PRKG1: variants seen among roughly 807,000 people sequenced by gnomAD.
PRKG1 encodes protein kinase cGMP-dependent 1, also known as cGMP-dependent protein kinase 1.
PRKG1 carries 35 observed loss-of-function variants against 88.1 expected under a neutral mutation model. The observed-to-expected ratio is 0.40, with a 90% CI of 0.30 to 0.53. The LOEUF (loss-of-function observed/expected upper bound fraction) is 0.53, where lower values mean the gene tolerates loss of function less well. Ranked by LOEUF, PRKG1 falls within the 20% of genes least tolerant of loss-of-function variation. The pLI is 0.59. For synonymous variants in PRKG1, 303 were observed against 292.5 expected, an observed-to-expected ratio of 1.04 and a Z score of -0.37; for missense variants, 540 against 839.8, an observed-to-expected ratio of 0.64 and a Z score of 4.41.
chr10:51,495,612 A>C (rs569649457), intron 3 of PRKG1, among the ~76,000 whole-genome samples: 1 of 152,312 alleles, frequency 6.6e-6, no homozygotes, highest in South Asian at 2.1e-4. Flanking sequence ...TTATATTTCT[A>C]TTACCTCAGT....
rs2132871251 is a variant in PRKG1 at position 51,491,352 on chromosome 10, A to G, written c.592+23516A>G. ...AATTTTCTCTCCTTTGCTATTAAGC[A>G]TGGCAGATACCTCAGATGGAAAATT... On this transcript the variant is annotated intron_variant, in intron 3 of 17. Coordinates refer to ENST00000373980, the MANE Select transcript of PRKG1 (RefSeq NM_006258.4). Among the ~76,000 whole-genome samples, 2 of 152,266 alleles carry G rather than the reference A, an allele frequency of 1.3e-5. 1 individual carries two copies. The highest frequency in any genetic ancestry group is 6.8e-3 in the Middle Eastern group (2 of 294).
intron 2 of PRKG1, among the ~76,000 whole-genome samples, chr10:51,195,536 T>A (rs903313015): frequency 1.3e-5 from 2 of 152,190 alleles, no homozygotes; most frequent in Non-Finnish European, 2.9e-5. Context: ...ATGAGAAATT[T>A]ATTTTATTTT....
At chr10:51,602,750 G>A (rs746447380) in intron 3 of PRKG1, among the ~76,000 whole-genome samples, 9,022 of 129,722 alleles carry the variant, frequency 0.07, 482 homozygotes, top group Middle Eastern at 0.096. Flanking sequence ...GTGTGTGTGT[G>A]TGTGTGTGTG....
At position 51,690,795 on chromosome 10, in the gene PRKG1, G is replaced by A. The variant is rs770037627; in HGVS notation, c.593-113790G>A. ...ACAAAAATTAGCTGGGTGTGGTGGC[G>A]AGCACCTGTACTCCCAGCTACTCAG... On this transcript the variant is annotated intron_variant, in intron 3 of 17. Transcript: ENST00000373980. Among the ~76,000 whole-genome samples, 42 of 151,354 alleles carry A rather than the reference G, an allele frequency of 2.8e-4. 1 individual carries two copies. In the Middle Eastern group the frequency reaches 0.014, roughly 49 times the overall value.
At chr10:51,948,933 A>G (rs1411150397) in intron 5 of PRKG1, among the ~76,000 whole-genome samples, 3 of 152,214 alleles carry the variant, frequency 2.0e-5, no homozygotes, top group Non-Finnish European at 4.4e-5. Flanking sequence ...AATATGAACT[A>G]TTTGTGTGCA....
intron 2 of PRKG1, among the ~76,000 whole-genome samples, chr10:51,157,736 G>A (rs1449516205): frequency 6.6e-6 from 1 of 151,634 alleles, no homozygotes; most frequent in Admixed American, 6.6e-5. Flanking sequence ...TTTTAAAATG[G>A]CAAGTGTCTG....
chr10:51,666,861 C>T (rs981287100), intron 3 of PRKG1, among the ~76,000 whole-genome samples: 3 of 152,026 alleles, frequency 2.0e-5, no homozygotes. Flanking sequence ...GTGGTTCAAT[C>T]TCAGCTCACT....
intron 3 of PRKG1, among the ~76,000 whole-genome samples, chr10:51,501,790 C>CTTTTTTTTT (rs5784871): frequency 3.4e-4 from 39 of 113,742 alleles, no homozygotes; most frequent in Non-Finnish European, 3.8e-4. Flanking sequence ...ACTTTAGTTT[C>CTTTTTTTTT]TTTTTTTTTT....
intron 2 of PRKG1, among the ~76,000 whole-genome samples, chr10:51,424,852 A>G (rs293327): frequency 0.84 from 128,189 of 152,166 alleles, 54,547 homozygotes; most frequent in African/African-American, 0.92. Context: ...ATACCCCAGA[A>G]AGATTATTTT....
At chr10:51,549,153 T>A (rs1842520463) in intron 3 of PRKG1, among the ~76,000 whole-genome samples, 1 of 132,364 alleles carries the variant, frequency 7.6e-6, no homozygotes, top group African/African-American at 3.0e-5. Flanking sequence ...AGACAGAGTC[T>A]TGCTCTGTCA....
At chr10:51,902,803 T>C (rs1044080517) in intron 4 of PRKG1, among the ~76,000 whole-genome samples, 2 of 152,204 alleles carry the variant, frequency 1.3e-5, no homozygotes, top group Non-Finnish European at 2.9e-5. Context: ...AATATCATTC[T>C]ATGTCAGGTG....
chr10:51,698,334 G>A, intron 3 of PRKG1: 1 of 1,614,078 alleles, frequency 6.2e-7, no homozygotes, highest in Non-Finnish European at 8.5e-7. Context: ...CCATCCATAG[G>A]TAGACCCCTT....
intron 3 of PRKG1, among the ~76,000 whole-genome samples, chr10:51,719,438 C>G (rs1412520865): frequency 6.6e-6 from 1 of 152,102 alleles, no homozygotes; most frequent in Non-Finnish European, 1.5e-5. Context: ...CATGAGAAAA[C>G]AAAAGACAAA....
intron 3 of PRKG1, among the ~76,000 whole-genome samples, chr10:51,605,674 G>A (rs1465588578): frequency 6.6e-6 from 1 of 152,168 alleles, no homozygotes; most frequent in Non-Finnish European, 1.5e-5. Context: ...TGACAATAGA[G>A]CCGGCCTTTG....
upstream of PRKG1, among the ~76,000 whole-genome samples, chr10:51,071,471 A>G (rs1425720745): frequency 1.3e-5 from 2 of 152,230 alleles, no homozygotes; most frequent in Non-Finnish European, 2.9e-5. Flanking sequence ...TTTAAAGTCA[A>G]TTGTAAAAGT....
intron 9 of PRKG1, among the ~76,000 whole-genome samples, chr10:52,209,635 C>G (rs1839911499): frequency 6.6e-6 from 1 of 152,290 alleles, no homozygotes; most frequent in Admixed American, 6.5e-5. Context: ...GTCATAATCT[C>G]ATGAGGCTCA....
At chr10:51,615,557 T>A (rs1428401054) in intron 3 of PRKG1, among the ~76,000 whole-genome samples, 5 of 151,916 alleles carry the variant, frequency 3.3e-5, no homozygotes. Context: ...AAGATGCGTC[T>A]TTACATCTTG....
chr10:51,008,697 A>G (rs1279271955), intron 1 of PRKG1, among the ~76,000 whole-genome samples: 1 of 152,210 alleles, frequency 6.6e-6, no homozygotes, highest in Non-Finnish European at 1.5e-5. Context: ...TGCTGTGTTC[A>G]AATAAGGTCA....
At position 52,271,487 on chromosome 10, in the gene PRKG1, G is replaced by A. The variant is rs2132432861; in HGVS notation, c.1311G>A (p.Val437=). 6.2e-7 allele frequency: 1 copy of A among 1,612,192 alleles called. No homozygotes were observed. Residue 437 remains valine (V), a splice_region_variant and synonymous_variant, in exon 11 of 18, where the codon GTG becomes GTA. Coordinates refer to ENST00000373980, the MANE Select transcript of PRKG1 (RefSeq NM_006258.4). ...AGGGGGCTCATTCCGATTTCATAGT[G>A]AGGTAAAGGCTCCATGCCAGGGACA... The part of the protein sequence containing the change: ...IMQGAHSDFI[V]RLYRTFKDSK...
Sources: allele counts gnomAD v4.1 joint callset (sites outside exome capture counted in the v4.1 genomes callset), GRCh38; gene constraint gnomAD v4.1.1; transcripts MANE v1.5; gene names NCBI Gene and HGNC (gene_info 2026-07-23, HGNC 2026-07-21).